EHBP1: variants seen among roughly 807,000 people sequenced by gnomAD.
EHBP1 encodes EH domain-binding protein 1.
A neutral mutation model predicts 144.0 loss-of-function variants in EHBP1; 55 were observed. That is an observed-to-expected ratio of 0.38 (90% CI 0.31 to 0.48). EHBP1 has a LOEUF of 0.48. Among genes scored for constraint, EHBP1 ranks in the 20% least tolerant of loss-of-function variants. The pLI is 0.98. For synonymous variants in EHBP1, 469 were observed against 472.7 expected (o/e 0.99, Z 0.10); for missense variants, 1,200 against 1,364.2 (o/e 0.88, Z 1.90).
intron 1 of EHBP1, among the ~76,000 whole-genome samples, chr2:62,681,919 A>G (rs1234094176): frequency 6.6e-6 from 1 of 152,084 alleles, no homozygotes; most frequent in Non-Finnish European, 1.5e-5. Flanking sequence ...TTAGATAGAT[A>G]CTCTGTTCTG....
chr2:62,737,364 C>A (rs1022091661), intron 2 of EHBP1, among the ~76,000 whole-genome samples: 1 of 152,120 alleles, frequency 6.6e-6, no homozygotes, highest in Non-Finnish European at 1.5e-5. Flanking sequence ...CCCTTTCCCC[C>A]GCGACTGGGT....
intron 14 of EHBP1, among the ~76,000 whole-genome samples, chr2:62,976,122 G>T (rs931728225): frequency 6.6e-6 from 1 of 152,036 alleles, no homozygotes; most frequent in Non-Finnish European, 1.5e-5. Context: ...TATTGGACTC[G>T]AATTTTCCTT....
rs1022995290 is a variant in EHBP1 at position 62,676,891 on chromosome 2, T to C, written c.-296+2808T>C. On this transcript the variant is annotated intron_variant, in intron 1 of 22. Transcript: ENST00000405015. ...CTCTAATACAGAAGCCTTTGAAGGA[T>C]AGCCAGGTGTGATGCATCATGCCTA... 2.0e-5 allele frequency among the ~76,000 whole-genome samples: 3 copies of C among 152,172 alleles called. No individual in the cohort carries two copies. In the South Asian group the frequency reaches 6.2e-4, roughly 32 times the overall value.
At chr2:62,954,373 C>T (rs1278682720) in intron 13 of EHBP1, among the ~76,000 whole-genome samples, 5 of 152,086 alleles carry the variant, frequency 3.3e-5, no homozygotes, top group Non-Finnish European at 4.4e-5. Flanking sequence ...TCAACATGAA[C>T]TTAGACTTAT....
chr2:62,757,927 G>A (rs1029411377), intron 3 of EHBP1, among the ~76,000 whole-genome samples: 2 of 151,890 alleles, frequency 1.3e-5, no homozygotes, highest in Admixed American at 1.3e-4. Context: ...CAGGAGAATG[G>A]CGTGAACCCA....
chr2:62,786,559 A>G (rs1238985678), intron 5 of EHBP1, among the ~76,000 whole-genome samples: 1 of 152,220 alleles, frequency 6.6e-6, no homozygotes, highest in African/African-American at 2.4e-5. Context: ...AATCTGCAAT[A>G]GCTATGTAGA....
At chr2:62,928,177 T>C (rs993783281) in intron 10 of EHBP1, among the ~76,000 whole-genome samples, 1 of 152,168 alleles carries the variant, frequency 6.6e-6, no homozygotes, top group Admixed American at 6.5e-5. Context: ...GCTGGGGTAG[T>C]GTAGAGGGCT....
At chr2:62,777,475 G>A (rs1334537993) in intron 5 of EHBP1, among the ~76,000 whole-genome samples, 1 of 151,922 alleles carries the variant, frequency 6.6e-6, no homozygotes, top group Non-Finnish European at 1.5e-5. Flanking sequence ...GTTAAGACAT[G>A]CAGAATTTTG....
chr2:62,946,797 C>G (rs915863100), intron 12 of EHBP1, among the ~76,000 whole-genome samples: 8 of 152,056 alleles, frequency 5.3e-5, no homozygotes, highest in African/African-American at 1.7e-4. Context: ...TAAAAGAAAC[C>G]TAGTTTGTTT....
At chr2:62,926,592 C>G (rs994174608) in intron 10 of EHBP1, among the ~76,000 whole-genome samples, 2 of 151,996 alleles carry the variant, frequency 1.3e-5, no homozygotes, top group African/African-American at 2.4e-5. Context: ...TCCAACATTA[C>G]TAATCATGAG....
At chr2:62,878,890 C>T (rs930049864) in intron 10 of EHBP1, among the ~76,000 whole-genome samples, 6 of 151,422 alleles carry the variant, frequency 4.0e-5, no homozygotes, top group African/African-American at 7.3e-5. Flanking sequence ...TGGTGGTGGG[C>T]GCCTGTAGTC....
In EHBP1 at chr2:62,955,518, A is replaced by T. The variant is rs1344868715; in HGVS notation, c.2318A>T (p.His773Leu). Residue 773 changes from histidine to leucine, a missense_variant and splice_region_variant, in exon 14 of 23, where the codon CAT becomes CTT. By Grantham distance (99) the His-to-Leu change is moderately conservative (BLOSUM62 -3). This residue lies in a region of EHBP1 where 543 missense variants were observed against 513.1 expected (regional missense o/e 1.06). Transcript: ENST00000431489. ...TAATTCTGTATCTTTGCTTTTAAGC[A>T]TCGATTGTTATCTAGACAAGAAGAA... ...HADHSSKIVQ[H>L]RLLSRQEELK... is the part of the protein sequence containing the mutation. 6.2e-7 allele frequency: 1 copy of T among 1,606,042 alleles called. No homozygotes were observed. Among genetic ancestry groups the T allele is most frequent in the Non-Finnish European group, 8.5e-7 (1 of 1,176,866 alleles).
intron 1 of EHBP1, among the ~76,000 whole-genome samples, chr2:62,685,250 G>A (rs544975045): frequency 1.3e-5 from 2 of 152,204 alleles, no homozygotes; most frequent in South Asian, 2.1e-4. Context: ...ATTCCACATT[G>A]TATTTATAAA....
intron 7 of EHBP1, among the ~76,000 whole-genome samples, chr2:62,841,960 A>G (rs924003754): frequency 6.6e-5 from 10 of 152,106 alleles, no homozygotes; most frequent in South Asian, 4.1e-4. Context: ...GGGAAGTCCA[A>G]TATGAAGGAG....
At position 62,760,240 on chromosome 2, in the gene EHBP1, A is replaced by G. The variant is rs146796745; in HGVS notation, c.163-4026A>G. 4.7e-4 allele frequency among the ~76,000 whole-genome samples: 71 copies of G among 152,312 alleles called. 1 individual carries two copies. The highest frequency in any genetic ancestry group is 1.5e-3 in the African/African-American group (63 of 41,566). ...AATAATAATTAGCTAAACGATAGAA[A>G]GCTGGCCCTGACTGTACTCATTGTC... is the stretch of plus-strand genomic sequence containing the variant. On this transcript the variant is annotated intron_variant, in intron 3 of 22. Transcript: ENST00000431489.
chr2:62,686,592 G>A (rs1006347940), intron 1 of EHBP1, among the ~76,000 whole-genome samples: 1 of 152,152 alleles, frequency 6.6e-6, no homozygotes, highest in Admixed American at 6.5e-5. Flanking sequence ...AAAGTCCCTT[G>A]TGTCATCTCT....
At chr2:63,007,564 TTTC>T (rs2060094836) in intron 19 of EHBP1, among the ~76,000 whole-genome samples, 1 of 151,700 alleles carries the variant, frequency 6.6e-6, no homozygotes, top group Non-Finnish European at 1.5e-5. Context: ...TTAAATGCAG[TTTC>T]TTATTTCCTA....
chr2:63,028,807 T>C lies in EHBP1; in HGVS notation c.3104-8728T>C, dbSNP rs942881899. On this transcript the variant is annotated intron_variant, in intron 19 of 22. Transcript: ENST00000431489. ...CATTTAGTAAATAAGCTATTTCATC[T>C]ACACTGACAATTTCATAAGCTGATT... 7.2e-4 allele frequency among the ~76,000 whole-genome samples: 109 copies of C among 152,358 alleles called. No individual in the cohort carries two copies. In the Middle Eastern group the frequency reaches 0.01, roughly 14 times the overall value.
intron 2 of EHBP1, among the ~76,000 whole-genome samples, chr2:62,736,705 T>A (rs2038172050): frequency 6.6e-6 from 1 of 152,226 alleles, no homozygotes; most frequent in Non-Finnish European, 1.5e-5. Flanking sequence ...TCTTAGTATT[T>A]CCATCTCTCT....
Sources: gnomAD v4.1 joint callset for allele counts (sites outside exome capture counted in the v4.1 genomes callset) on GRCh38, gnomAD v4.1.1 for gene constraint, gnomAD v4.1.1 regional missense constraint, MANE v1.5 for transcripts, NCBI Gene and HGNC (gene_info 2026-07-23, HGNC 2026-07-21) for gene names.